Variants in PPARGC1A observed in about 807,000 individuals in gnomAD.
The protein encoded by PPARGC1A is peroxisome proliferator-activated receptor gamma coactivator 1-alpha.
In PPARGC1A, 25 loss-of-function variants were observed where a neutral mutation model predicts 88.7. That is an observed-to-expected ratio of 0.28 (90% CI 0.21 to 0.39). The LOEUF (loss-of-function observed/expected upper bound fraction) is 0.39. Ranked by LOEUF, PPARGC1A falls within the 10% of genes least tolerant of loss-of-function variation. PPARGC1A has a pLI of 1.00. For missense variants in PPARGC1A, 880 were observed against 968.7 expected (o/e 0.91, Z 1.22); for synonymous variants, 363 against 355.6 (o/e 1.02, Z -0.24).
At chr4:24,052,768 C>T in the PPARGC1A span, among the ~76,000 whole-genome samples, 1 of 151,486 alleles carries the variant, frequency 6.6e-6, no homozygotes, top group African/African-American at 2.4e-5. Flanking sequence ...TAAATCTCTT[C>T]CTCTGAGTTA....
the PPARGC1A span, among the ~76,000 whole-genome samples, chr4:24,044,713 G>C: frequency 6.6e-6 from 1 of 152,166 alleles, no homozygotes; most frequent in African/African-American, 2.4e-5. Context: ...TGTGGTGACA[G>C]AGAGTTCCAC....
the PPARGC1A span, among the ~76,000 whole-genome samples, chr4:23,978,074 A>T: frequency 5.3e-5 from 8 of 152,178 alleles, no homozygotes; most frequent in African/African-American, 1.9e-4. Flanking sequence ...TTAGTACCTC[A>T]CCACCCCCAG....
chr4:23,805,045 G>C (rs985025922), intron 10 of PPARGC1A, among the ~76,000 whole-genome samples: 1 of 152,102 alleles, frequency 6.6e-6, no homozygotes, highest in Admixed American at 6.6e-5. Context: ...TTTAAACAAA[G>C]CATCAAAACA....
At chr4:24,423,813 G>A in the PPARGC1A span, among the ~76,000 whole-genome samples, 3 of 152,120 alleles carry the variant, frequency 2.0e-5, no homozygotes, top group Admixed American at 6.5e-5. Flanking sequence ...AACAGACCAG[G>A]GAAAAGTCAA....
the PPARGC1A span, among the ~76,000 whole-genome samples, chr4:23,946,827 CAT>C: frequency 2.6e-5 from 4 of 151,768 alleles, no homozygotes; most frequent in Non-Finnish European, 5.9e-5. Flanking sequence ...CACACACACA[CAT>C]ACACACACAC....
At chr4:24,086,369 T>G in the PPARGC1A span, among the ~76,000 whole-genome samples, 1 of 152,210 alleles carries the variant, frequency 6.6e-6, no homozygotes, top group Non-Finnish European at 1.5e-5. Context: ...TGGTGTCACA[T>G]CCAACTGCAT....
At chr4:24,178,895 A>G in the PPARGC1A span, among the ~76,000 whole-genome samples, 2 of 152,240 alleles carry the variant, frequency 1.3e-5, no homozygotes. Flanking sequence ...AAACTCATAT[A>G]TCACTACAAT....
chr4:23,802,173 T>A (rs748739621), intron 11 of PPARGC1A, 51 bp downstream of exon 11: 1 of 1,612,248 alleles, frequency 6.2e-7, no homozygotes, highest in Non-Finnish European at 8.5e-7. Context: ...ATGGCCATAA[T>A]TTTTTACATA....
At chr4:24,203,844 C>T in the PPARGC1A span, among the ~76,000 whole-genome samples, 1 of 152,224 alleles carries the variant, frequency 6.6e-6, no homozygotes. Flanking sequence ...TACTCAGATG[C>T]AGTGGACTTG....
chr4:24,358,948 A>G, the PPARGC1A span, among the ~76,000 whole-genome samples: 5 of 152,232 alleles, frequency 3.3e-5, no homozygotes, highest in Non-Finnish European at 5.9e-5. Flanking sequence ...CTTCCATGCC[A>G]GGAGGACAGC....
upstream of PPARGC1A, among the ~76,000 whole-genome samples, chr4:23,892,060 TGTG>T (rs1717929926): frequency 6.6e-6 from 1 of 152,236 alleles, no homozygotes; most frequent in Non-Finnish European, 1.5e-5. Context: ...TACCTTTATT[TGTG>T]TTTATCCAAT....
the PPARGC1A span, among the ~76,000 whole-genome samples, chr4:23,910,336 A>ATATATTATATATATTATAT: frequency 3.1e-5 from 2 of 63,672 alleles, no homozygotes; most frequent in African/African-American, 1.6e-4. Flanking sequence ...TATATATTAT[A>ATATATTATATATATTATAT]TATATTATAT....
the PPARGC1A span, among the ~76,000 whole-genome samples, chr4:24,074,785 G>A: frequency 6.6e-6 from 1 of 152,160 alleles, no homozygotes; most frequent in Non-Finnish European, 1.5e-5. Flanking sequence ...GTATCTACCT[G>A]AGCAAGTGTT....
At chr4:24,190,071 T>A in the PPARGC1A span, among the ~76,000 whole-genome samples, 1 of 152,168 alleles carries the variant, frequency 6.6e-6, no homozygotes, top group Admixed American at 6.5e-5. Flanking sequence ...GCTTGAAATG[T>A]CTAGGGTTTC....
At chr4:24,434,210 A>G in the PPARGC1A span, among the ~76,000 whole-genome samples, 1 of 152,236 alleles carries the variant, frequency 6.6e-6, no homozygotes, top group African/African-American at 2.4e-5. Context: ...CACCTCTCAT[A>G]CGGATTTTTA....
At chr4:24,226,935 G>C in the PPARGC1A span, among the ~76,000 whole-genome samples, 1 of 152,120 alleles carries the variant, frequency 6.6e-6, no homozygotes, top group African/African-American at 2.4e-5. Context: ...CCTCCAAGTG[G>C]AACTTCTTAT....
chr4:24,180,451 G>A, the PPARGC1A span, among the ~76,000 whole-genome samples: 10 of 152,066 alleles, frequency 6.6e-5, no homozygotes, highest in Admixed American at 1.3e-4. Flanking sequence ...TTCCGGCTAC[G>A]CTCTGGGAAC....
chr4:24,258,380 A>G, the PPARGC1A span, among the ~76,000 whole-genome samples: 1 of 152,180 alleles, frequency 6.6e-6, no homozygotes, highest in Admixed American at 6.5e-5. Flanking sequence ...TAATGGGAGA[A>G]CAAGAATTAC....
the PPARGC1A span, among the ~76,000 whole-genome samples, chr4:24,424,686 T>C: frequency 6.6e-6 from 1 of 152,204 alleles, no homozygotes; most frequent in Non-Finnish European, 1.5e-5. Context: ...TAGAATGCCA[T>C]AGTCCCAAGC....
Sources: gnomAD v4.1 joint callset for allele counts (sites outside exome capture counted in the v4.1 genomes callset) on GRCh38, gnomAD v4.1.1 for gene constraint, MANE v1.5 for transcripts, NCBI Gene and HGNC (gene_info 2026-07-23, HGNC 2026-07-21) for gene names.